PDXDC1: variants seen among roughly 807,000 people sequenced by gnomAD.
PDXDC1 encodes the protein pyridoxal dependent decarboxylase domain containing 1, also known as pyridoxal-dependent decarboxylase domain-containing protein 1.
PDXDC1 carries 42 observed loss-of-function variants against 100.1 expected under a neutral mutation model. The ratio of observed to expected loss-of-function variants is 0.42; its 90% confidence interval spans 0.33 to 0.54. The LOEUF is 0.54. Ranked by LOEUF, PDXDC1 falls within the 20% of genes least tolerant of loss-of-function variation. PDXDC1 has a pLI of 0.10. For synonymous variants in PDXDC1, 260 were observed against 371.7 expected (o/e 0.70, Z 3.46); for missense variants, 636 against 979.2 (o/e 0.65, Z 4.68).
chr16:15,127,081 C>A (rs2047775827), intron 16 of PDXDC1: 1 of 354,410 alleles, frequency 2.8e-6, no homozygotes, highest in Non-Finnish European at 5.6e-6. Flanking sequence ...AGCCACCACA[C>A]CCGGCCCGGC....
At chr16:14,987,853 C>G (rs186116188) in intron 1 of PDXDC1, among the ~76,000 whole-genome samples, 1 of 152,384 alleles carries the variant, frequency 6.6e-6, no homozygotes, top group Non-Finnish European at 1.5e-5. Context: ...CTCAGGTGAT[C>G]CACCAACCTT....
intron 13 of PDXDC1, among the ~76,000 whole-genome samples, chr16:15,023,765 C>T (rs1171191171): frequency 6.6e-6 from 1 of 152,288 alleles, no homozygotes; most frequent in East Asian, 1.9e-4. Context: ...GGAGTTCTAT[C>T]CTTGGACGAG....
intron 16 of PDXDC1, chr16:15,044,218 T>C: frequency 1.5e-6 from 1 of 688,494 alleles, no homozygotes; most frequent in Non-Finnish European, 2.6e-6. Flanking sequence ...TTCTCTGTGC[T>C]GCTCCAAGTG....
intron 1 of PDXDC1, among the ~76,000 whole-genome samples, chr16:14,982,642 A>C (rs1409573137): frequency 2.0e-5 from 3 of 152,296 alleles, no homozygotes; most frequent in East Asian, 1.9e-4. Flanking sequence ...CAAATGTAGA[A>C]ACTGAGACTC....
chr16:15,050,314 C>G (rs2044245380), intron 16 of PDXDC1, among the ~76,000 whole-genome samples: 2 of 152,214 alleles, frequency 1.3e-5, no homozygotes, highest in African/African-American at 4.8e-5. Flanking sequence ...AAATCTTCCT[C>G]AAATGTCTAG....
chr16:15,100,902 A>G (rs1470558985), intron 16 of PDXDC1, among the ~76,000 whole-genome samples: 1 of 152,238 alleles, frequency 6.6e-6, no homozygotes, highest in Non-Finnish European at 1.5e-5. Context: ...GTGAGGATCA[A>G]TTGAGCCCAG....
chr16:15,022,877 T>TA (rs1276615500), intron 13 of PDXDC1, 123 bp downstream of exon 13: 116 of 814,352 alleles, frequency 1.4e-4, no homozygotes, highest in Admixed American at 8.4e-4. Flanking sequence ...GCAGCTCCAG[T>TA]AAAAAAACAA....
intron 1 of PDXDC1, among the ~76,000 whole-genome samples, chr16:14,983,341 G>A (rs1160848742): frequency 6.6e-6 from 1 of 152,250 alleles, no homozygotes; most frequent in African/African-American, 2.4e-5. Context: ...GGGAGGCCGA[G>A]GCGGGCAGAT....
chr16:15,074,635 G>T, intron 16 of PDXDC1: 1 of 928,334 alleles, frequency 1.1e-6, no homozygotes. Context: ...AGGATTTTTA[G>T]TATTACTAGA....
chr16:15,000,601 C>G (rs1447839350), intron 3 of PDXDC1, among the ~76,000 whole-genome samples: 1 of 152,282 alleles, frequency 6.6e-6, no homozygotes, highest in Non-Finnish European at 1.5e-5. Flanking sequence ...TTGCAAGTTG[C>G]CTTGCCATTG....
downstream of PDXDC1, chr16:15,040,940 C>T (rs759500778): frequency 3.0e-5 from 21 of 708,672 alleles, no homozygotes; most frequent in Non-Finnish European, 4.6e-5. Flanking sequence ...AGCAGATGTT[C>T]GGAGTAGCTG....
chr16:15,141,410 C>T (rs576624815), downstream of PDXDC1, among the ~76,000 whole-genome samples: 3 of 152,252 alleles, frequency 2.0e-5, no homozygotes, highest in Non-Finnish European at 4.4e-5. Flanking sequence ...CTGGGCTGGG[C>T]GCCCAGACAG....
At chr16:15,132,390 G>T (rs1394225527) in intron 16 of PDXDC1, among the ~76,000 whole-genome samples, 6 of 88,318 alleles carry the variant, frequency 6.8e-5, no homozygotes, top group Non-Finnish European at 1.4e-4. Context: ...GAGGGGAGGG[G>T]TTAGGGGAGG....
intron 4 of PDXDC1, among the ~76,000 whole-genome samples, chr16:15,003,410 G>C (rs966681989): frequency 6.6e-6 from 1 of 152,102 alleles, no homozygotes; most frequent in African/African-American, 2.4e-5. Context: ...TAGAGATGGG[G>C]TTTCACCATG....
chr16:15,016,970 G>A, intron 9 of PDXDC1, 150 bp from the exon 10 acceptor site: 1 of 1,000,232 alleles, frequency 1.0e-6, no homozygotes, highest in South Asian at 1.4e-5. Flanking sequence ...TATGTATAAA[G>A]CACACCTTCT....
chr16:15,131,601 G>A lies in PDXDC1; in HGVS notation c.1400-7278G>A, dbSNP rs771054041. On this transcript the variant is annotated intron_variant, in intron 16 of 16. Transcript: ENST00000535621. ...GCGTGAGGATGCGCATGAGGGCAGA[G>A]GTCAGGTTGTAGGCCTGGGACGCCA... 3.7e-6 allele frequency: 6 copies of A among 1,603,558 alleles called. No individual in the cohort carries two copies. The East Asian group carries it at 9.0e-5, about 24-fold the overall frequency.
chr16:14,992,401 T>G (rs965201830), intron 1 of PDXDC1, among the ~76,000 whole-genome samples: 1 of 152,290 alleles, frequency 6.6e-6, no homozygotes, highest in African/African-American at 2.4e-5. Context: ...CAAGCCAAAC[T>G]GTTTATCATT....
At chr16:14,974,875 T>G (rs1966538333), upstream of PDXDC1, 1 of 1,535,534 alleles carries the variant, frequency 6.5e-7, no homozygotes, top group African/African-American at 1.4e-5. Context: ...TCTACCTTGA[T>G]GATTGCAACA....
chr16:15,135,902 A>G, intron 16 of PDXDC1: 4 of 1,579,012 alleles, frequency 2.5e-6, no homozygotes, highest in Non-Finnish European at 2.6e-6. Context: ...AGGCAGCGCC[A>G]GCCGCGGCAG....
Sources: gnomAD v4.1 joint callset for allele counts (sites outside exome capture counted in the v4.1 genomes callset) on GRCh38, gnomAD v4.1.1 for gene constraint, MANE v1.5 for transcripts, NCBI Gene and HGNC (gene_info 2026-07-23, HGNC 2026-07-21) for gene names.